Variants in MYO1F observed in about 807,000 individuals in gnomAD.
The protein encoded by MYO1F is unconventional myosin-If.
In MYO1F, 60 loss-of-function variants were observed where a neutral mutation model predicts 146.6. The observed-to-expected ratio is 0.41, with a 90% CI of 0.33 to 0.51. The LOEUF is 0.51. Among genes scored for constraint, MYO1F ranks in the 20% least tolerant of loss-of-function variants. MYO1F has a pLI of 0.25. For synonymous variants in MYO1F, 602 were observed against 602.1 expected, an observed-to-expected ratio of 1.00 and a Z score of 0.00; for missense variants, 1,274 against 1,534.3, an observed-to-expected ratio of 0.83 and a Z score of 2.83.
chr19:8,532,807 G>T (rs1323062502), intron 19 of MYO1F, among the ~76,000 whole-genome samples: 2 of 151,326 alleles, frequency 1.3e-5, no homozygotes, highest in African/African-American at 4.9e-5. Context: ...AGGATTCTTT[G>T]AGCCCAGGAG....
chr19:8,547,073 G>A (rs1973391148), intron 12 of MYO1F, among the ~76,000 whole-genome samples: 1 of 152,048 alleles, frequency 6.6e-6, no homozygotes, highest in Non-Finnish European at 1.5e-5. Context: ...CAAGGCAGGA[G>A]GATTGCTTGA....
At chr19:8,527,631 T>C in intron 21 of MYO1F, 148 bp from the exon 22 acceptor site, 1 of 981,622 alleles carries the variant, frequency 1.0e-6, no homozygotes. Context: ...GTCTGTTTTG[T>C]AGACAGGGTC....
rs369709402 is a variant in MYO1F, at chr19:8,525,430, T to C, written c.2854+49A>G. 320 of 1,520,452 alleles carry C rather than the reference T, an allele frequency of 2.1e-4. 1 individual carries two copies. The highest frequency in any genetic ancestry group is 7.3e-5 in the Non-Finnish European group (80 of 1,096,818). 94.2% of individuals were successfully genotyped at this position (1,520,452 alleles called of 1,614,324 possible). ...TTTGCTGAAGGTCTGGCTTAGGCCA[T>C]GGGACCCACAACAGACAAGGGAATA... On this transcript the variant is annotated intron_variant, in intron 25 of 27. Transcript: ENST00000644032.
intron 1 of MYO1F, among the ~76,000 whole-genome samples, chr19:8,571,735 C>A (rs1452560808): frequency 1.3e-5 from 2 of 152,030 alleles, no homozygotes; most frequent in Non-Finnish European, 2.9e-5. Flanking sequence ...GTAGCTGGGA[C>A]TACAGGCACC....
rs1455158809 is a variant in MYO1F at position 8,541,688 on chromosome 19, C to G, written c.1610+218G>C. 15 of 575,900 alleles carry G rather than the reference C, an allele frequency of 2.6e-5. No homozygotes were observed. The South Asian group carries it at 2.6e-4, about 10-fold the overall frequency. The allele number at this position is 575,900 out of a possible 1,614,324, so 35.7% of individuals were successfully genotyped here. ...AAGAGATTTGTCCACTTCGGCCTCC[C>G]AAAGTGCTGGGATTACAGGCGTGAG... On this transcript the variant is annotated intron_variant, in intron 15 of 27. Transcript: ENST00000644032.
Position 8,550,559 on chromosome 19 carries a change from C to T in MYO1F, c.904+3G>A. The T allele has an allele frequency of 1.2e-6, 2 of 1,614,166 alleles. No homozygotes were observed. The highest frequency in any genetic ancestry group is 1.7e-6 in the Non-Finnish European group (2 of 1,180,026). The stretch of plus-strand genomic sequence containing the variant: ...TCCAGCCCTCCCTGATACCCACACT[C>T]ACGGTCCACACTCTCCACTCGGGCG... On this transcript the variant is annotated splice_donor_region_variant and intron_variant, in intron 9 of 27. Coordinates refer to ENST00000644032, the MANE Select transcript of MYO1F (RefSeq NM_012335.4).
Position 8,521,539 on chromosome 19 carries a change from C to G in MYO1F, c.3286G>C (p.Glu1096Gln). Residue 1096 changes from glutamate to glutamine, a missense_variant, in exon 28 of 28, where the codon GAG becomes CAG. This residue lies in a region of MYO1F where 374 missense variants were observed against 379.2 expected (regional missense o/e 0.99). Coordinates refer to ENST00000644032, the MANE Select transcript of MYO1F (RefSeq NM_012335.4). The part of the protein sequence containing the change: ...QEGLFPGNYV[E>Q]KI ...TCCCAGGGCCCAGCTCAGATCTTCT[C>G]CACGTAGTTTCCTGGGAAAAGGCCC... 1 of 1,614,178 alleles carries G rather than the reference C, an allele frequency of 6.2e-7. No individual in the cohort carries two copies. The highest frequency in any genetic ancestry group is 8.5e-7 in the Non-Finnish European group (1 of 1,180,020).
At chr19:8,526,042 T>C (rs1199548499) in intron 24 of MYO1F, among the ~76,000 whole-genome samples, 1 of 152,060 alleles carries the variant, frequency 6.6e-6, no homozygotes, top group Non-Finnish European at 1.5e-5. Flanking sequence ...AAAGTCTGTC[T>C]CTCTGGCCGG....
At chr19:8,552,199 T>C in intron 6 of MYO1F, 35 bp from the exon 7 acceptor site, 1 of 1,611,724 alleles carries the variant, frequency 6.2e-7, no homozygotes, top group Non-Finnish European at 8.5e-7. Context: ...CACCCCAGTG[T>C]CCTGGGGTGC....
At chr19:8,561,651 T>G (rs1974137512) in intron 1 of MYO1F, among the ~76,000 whole-genome samples, 1 of 146,676 alleles carries the variant, frequency 6.8e-6, no homozygotes, top group Non-Finnish European at 1.5e-5. Context: ...TTTCCTTCCA[T>G]TTTTTCTTTC....
chr19:8,543,867 CTGG>C (rs1973162783), intron 14 of MYO1F, among the ~76,000 whole-genome samples: 3 of 9,032 alleles, frequency 3.3e-4, no homozygotes, highest in South Asian at 5.4e-3. Context: ...GCTGGTGGTG[CTGG>C]TGGTGCTGGT....
intron 1 of MYO1F, among the ~76,000 whole-genome samples, chr19:8,566,161 C>CTTTTTTTT (rs781059040): frequency 3.8e-5 from 3 of 78,358 alleles, no homozygotes; most frequent in Non-Finnish European, 4.5e-5. Context: ...CAGTCTATGT[C>CTTTTTTTT]TTTTTTTTTT....
intron 1 of MYO1F, among the ~76,000 whole-genome samples, chr19:8,567,582 C>G (rs987798853): frequency 6.6e-6 from 1 of 152,204 alleles, no homozygotes; most frequent in African/African-American, 2.4e-5. Flanking sequence ...ATCTCGAACT[C>G]CCAACCTCAG....
In MYO1F at chr19:8,530,697, AT is replaced by A; in HGVS notation, c.2044-125del. 6.5e-6 allele frequency: 5 copies of A among 771,480 alleles called. No individual in the cohort carries two copies. Among genetic ancestry groups the A allele is most frequent in the Admixed American group, 2.1e-5 (1 of 47,884 alleles). 47.8% of individuals were successfully genotyped at this position (771,480 alleles called of 1,614,324 possible). The stretch of plus-strand genomic sequence containing the variant: ...CTCACCCATCCCCACACATGTGCTA[AT>A]TTTTTTAAGAGGCGGGGTCTTTCTA... On this transcript the variant is annotated intron_variant, in intron 19 of 27. Coordinates refer to ENST00000644032, the MANE Select transcript of MYO1F (RefSeq NM_012335.4). The surrounding 1 kb of genome is among the most constrained non-coding windows in gnomAD (Gnocchi z 5.8).
At chr19:8,534,000 G>A (rs1972599905) in intron 19 of MYO1F, among the ~76,000 whole-genome samples, 2 of 152,076 alleles carry the variant, frequency 1.3e-5, no homozygotes, top group South Asian at 4.1e-4. Flanking sequence ...CCAACAGGGT[G>A]AAAACCCATC....
intron 16 of MYO1F, among the ~76,000 whole-genome samples, chr19:8,537,634 A>C (rs577107979): frequency 3.9e-5 from 6 of 152,026 alleles, no homozygotes; most frequent in African/African-American, 1.4e-4. Context: ...GGGTTTTGCC[A>C]TGTTGGTCAG....
chr19:8,539,589 CTG>C (rs1972871339), intron 16 of MYO1F, among the ~76,000 whole-genome samples: 1 of 129,696 alleles, frequency 7.7e-6, no homozygotes, highest in African/African-American at 4.3e-5. Flanking sequence ...GAGCAAGACT[CTG>C]TCTCAAAAAA....
chr19:8,550,421 G>A, intron 9 of MYO1F, 65 bp from the exon 10 acceptor site: 1 of 1,584,928 alleles, frequency 6.3e-7, no homozygotes, highest in South Asian at 1.1e-5. Context: ...TCCTGCATGG[G>A]CCTCCTATTA....
Position 8,552,155 on chromosome 19 carries a change from A to G in MYO1F, c.514T>C (p.Phe172Leu). 1 of 1,614,068 alleles carries G rather than the reference A, an allele frequency of 6.2e-7. No homozygotes were observed. Among genetic ancestry groups the G allele is most frequent in the East Asian group, 2.2e-5 (1 of 44,868 alleles). Residue 172 changes from phenylalanine to leucine, a missense_variant, in exon 7 of 28, where the codon TTT becomes CTT. Coordinates refer to ENST00000644032, the MANE Select transcript of MYO1F (RefSeq NM_012335.4). ...CCACCTCGGCTGAACTGGATCTCAA[A>G]GTACTTGCCCTGAATCCGAGAGAAC... ...NNNSSRFGKY[F>L]EIQFSRGGEP...
Sources: gnomAD v4.1 joint callset for allele counts (sites outside exome capture counted in the v4.1 genomes callset) on GRCh38, gnomAD v4.1.1 for gene constraint, gnomAD v4.1.1 regional missense constraint, Gnocchi (gnomAD v3.1) non-coding constraint, MANE v1.5 for transcripts, NCBI Gene and HGNC (gene_info 2026-07-23, HGNC 2026-07-21) for gene names.